The following INSL6 variants were observed in gnomAD, a reference collection of about 807,000 sequenced individuals.
INSL6 encodes the protein insulin-like peptide INSL6.
In INSL6, 16 loss-of-function variants were observed where a neutral mutation model predicts 9.4. The ratio of observed to expected loss-of-function variants is 1.70; its 90% CI spans 1.15 to 2.59. The LOEUF is 2.59. Among genes scored for constraint, INSL6 ranks in the 30% most tolerant of loss-of-function variants. The pLI is 0.00. For synonymous variants in INSL6, 154 were observed against 96.9 expected (o/e 1.59, Z -3.46); for missense variants, 391 against 257.3 (o/e 1.52, Z -3.56).
intron 1 of INSL6, among the ~76,000 whole-genome samples, chr9:5,165,552 T>C (rs1825032654): frequency 6.6e-6 from 1 of 152,228 alleles, no homozygotes; most frequent in Non-Finnish European, 1.5e-5. Context: ...ATATGCTTAT[T>C]ATATATCCTC....
intron 1 of INSL6, among the ~76,000 whole-genome samples, chr9:5,178,590 C>A (rs1349637567): frequency 6.6e-6 from 1 of 152,192 alleles, no homozygotes; most frequent in African/African-American, 2.4e-5. Flanking sequence ...CTACATCACA[C>A]TACCCAACTT....
chr9:5,090,727 T>C, the INSL6 span: 3 of 1,575,816 alleles, frequency 1.9e-6, no homozygotes, highest in Non-Finnish European at 2.6e-6. Flanking sequence ...AAGAAAAATG[T>C]TTTATCCATA....
chr9:5,074,588 T>C, the INSL6 span, among the ~76,000 whole-genome samples: 4 of 152,366 alleles, frequency 2.6e-5, no homozygotes, highest in South Asian at 6.2e-4. Flanking sequence ...CAGTGTGTGC[T>C]CTGACTGCTC....
intron 2 of INSL6, among the ~76,000 whole-genome samples, chr9:5,134,344 C>A (rs553398042): frequency 2.0e-5 from 3 of 152,106 alleles, no homozygotes; most frequent in Middle Eastern, 6.3e-3. Flanking sequence ...ATAGAGAACA[C>A]CACAAAGATA....
the INSL6 span, chr9:5,114,288 G>A: frequency 4.4e-5 from 24 of 541,980 alleles, no homozygotes; most frequent in East Asian, 5.4e-4. Flanking sequence ...CAAGGAGAAC[G>A]TGAAGCTGAC....
the INSL6 span, chr9:5,086,256 C>T: frequency 7.4e-5 from 37 of 501,734 alleles, no homozygotes; most frequent in East Asian, 5.0e-3. Context: ...GATGGTGGCT[C>T]CGCCTCTGGC....
chr9:5,052,886 T>G, the INSL6 span, among the ~76,000 whole-genome samples: 10 of 152,140 alleles, frequency 6.6e-5, no homozygotes, highest in Admixed American at 2.0e-4. Flanking sequence ...TTTGCTTATT[T>G]GTTCTTCACT....
downstream of INSL6, chr9:5,122,947 A>G (rs201572203): frequency 1.9e-3 from 2,044 of 1,082,472 alleles, 7 homozygotes; most frequent in Admixed American, 2.2e-3. Flanking sequence ...TTGCAGGTAA[A>G]ATCAAGAGTC....
chr9:5,045,231 C>G, the INSL6 span, among the ~76,000 whole-genome samples: 1 of 151,950 alleles, frequency 6.6e-6, no homozygotes, highest in Non-Finnish European at 1.5e-5. Flanking sequence ...CTTGGTATCC[C>G]CAAGGTATCA....
intron 3 of INSL6, chr9:5,132,241 A>G (rs1021249057): frequency 6.6e-6 from 1 of 152,248 alleles, no homozygotes; most frequent in African/African-American, 2.4e-5. Context: ...TTTACTGTAC[A>G]GAACAATCCT....
intron 2 of INSL6, among the ~76,000 whole-genome samples, chr9:5,141,496 GTCT>G (rs978251455): frequency 3.3e-5 from 5 of 152,130 alleles, no homozygotes; most frequent in Non-Finnish European, 7.4e-5. Flanking sequence ...CCACATGTAT[GTCT>G]TCTTTGAAAA....
the INSL6 span, among the ~76,000 whole-genome samples, chr9:5,047,806 G>C: frequency 6.6e-6 from 1 of 151,948 alleles, no homozygotes; most frequent in African/African-American, 2.4e-5. Context: ...TCGCTCTATT[G>C]TCCAGGCTGG....
chr9:5,041,335 G>T, the INSL6 span: 15 of 687,256 alleles, frequency 2.2e-5, no homozygotes, highest in Non-Finnish European at 3.4e-5. Flanking sequence ...ACAAGAGCTT[G>T]ACAGGTACGG....
At chr9:5,035,530 C>G in the INSL6 span, among the ~76,000 whole-genome samples, 521 of 152,288 alleles carry the variant, frequency 3.4e-3, 2 homozygotes, top group African/African-American at 0.012. Flanking sequence ...AAAAGCTTAT[C>G]CACCATGATC....
chr9:5,175,104 A>G (rs1825268559), intron 1 of INSL6, among the ~76,000 whole-genome samples: 1 of 151,886 alleles, frequency 6.6e-6, no homozygotes, highest in African/African-American at 2.4e-5. Context: ...CACGCCCAGC[A>G]AATTTTTTGT....
intron 2 of INSL6, among the ~76,000 whole-genome samples, chr9:5,141,291 A>C (rs776569818): frequency 4.6e-5 from 7 of 152,170 alleles, no homozygotes; most frequent in Non-Finnish European, 8.8e-5. Flanking sequence ...CCTGACTTCC[A>C]CAATGGTTGA....
chr9:4,997,567 C>T, the INSL6 span, among the ~76,000 whole-genome samples: 1 of 152,198 alleles, frequency 6.6e-6, no homozygotes, highest in Non-Finnish European at 1.5e-5. Context: ...GATCAAGTCA[C>T]CTCCCACCAG....
the INSL6 span, chr9:5,073,792 A>G: frequency 1.9e-6 from 3 of 1,563,154 alleles, no homozygotes; most frequent in Non-Finnish European, 2.6e-6. Context: ...GAGAGTAAGT[A>G]AAACTACAGG....
At chr9:5,028,995 T>C in the INSL6 span, among the ~76,000 whole-genome samples, 1 of 152,372 alleles carries the variant, frequency 6.6e-6, no homozygotes, top group East Asian at 1.9e-4. Context: ...CAAAAACTTT[T>C]TCTTTGCATT....
Sources: gnomAD v4.1 joint callset for allele counts (sites outside exome capture counted in the v4.1 genomes callset) on GRCh38, gnomAD v4.1.1 for gene constraint, MANE v1.5 for transcripts, NCBI Gene and HGNC (gene_info 2026-07-23, HGNC 2026-07-21) for gene names.